CPNE4: variants seen among roughly 807,000 people sequenced by gnomAD.
CPNE4 encodes copine-4.
A neutral mutation model predicts 67.9 loss-of-function variants in CPNE4; 25 were observed. The observed-to-expected ratio is 0.37, with a 90% CI of 0.27 to 0.51. CPNE4 has a LOEUF of 0.51. Ranked by LOEUF, CPNE4 falls within the 20% of genes least tolerant of loss-of-function variation. CPNE4 has a pLI of 0.93. For missense variants in CPNE4, 464 were observed against 690.8 expected (o/e 0.67, Z 3.68); for synonymous variants, 242 against 244.9 (o/e 0.99, Z 0.11).
intron 2 of CPNE4, among the ~76,000 whole-genome samples, chr3:131,746,169 T>A (rs1277541099): frequency 6.6e-6 from 1 of 152,120 alleles, no homozygotes; most frequent in Non-Finnish European, 1.5e-5. Flanking sequence ...AGTGTACATA[T>A]TTATGGGGTA....
chr3:131,993,834 A>T (rs754251711), intron 1 of CPNE4, among the ~76,000 whole-genome samples: 1 of 136,098 alleles, frequency 7.3e-6, no homozygotes, highest in Non-Finnish European at 1.7e-5. Flanking sequence ...TACTAGTGCA[A>T]AAATACAAGA....
chr3:131,612,065 T>A (rs937719707), intron 7 of CPNE4, among the ~76,000 whole-genome samples: 1 of 152,142 alleles, frequency 6.6e-6, no homozygotes. Flanking sequence ...AAGATAACTG[T>A]CATAATTCAT....
chr3:132,036,614 T>C (rs1453460297), upstream of CPNE4, among the ~76,000 whole-genome samples: 1 of 152,184 alleles, frequency 6.6e-6, no homozygotes, highest in Admixed American at 6.5e-5. Context: ...GGATTGAACT[T>C]GCAAAGATGA....
chr3:131,937,624 C>T (rs1169747227), intron 1 of CPNE4, among the ~76,000 whole-genome samples: 1 of 151,994 alleles, frequency 6.6e-6, no homozygotes, highest in Non-Finnish European at 1.5e-5. Context: ...TATTAGGGTG[C>T]TGGGACAGAA....
chr3:131,613,051 A>T (rs565700219), intron 7 of CPNE4, among the ~76,000 whole-genome samples: 2 of 152,324 alleles, frequency 1.3e-5, no homozygotes, highest in Admixed American at 1.3e-4. Context: ...TTTGGTTTGA[A>T]TGATCTGGTC....
chr3:131,952,633 C>T (rs930859337), intron 1 of CPNE4, among the ~76,000 whole-genome samples: 1 of 143,374 alleles, frequency 7.0e-6, no homozygotes, highest in Non-Finnish European at 1.5e-5. Flanking sequence ...GGTCAGCCCC[C>T]CTCCCGGCCA....
chr3:131,976,081 G>T (rs1412427032), intron 1 of CPNE4, among the ~76,000 whole-genome samples: 9 of 136,670 alleles, frequency 6.6e-5, no homozygotes, highest in African/African-American at 1.4e-4. Flanking sequence ...AATATTGTTG[G>T]TTTTTTTTTT....
intron 2 of CPNE4, among the ~76,000 whole-genome samples, chr3:131,743,747 C>A (rs879744344): frequency 1.3e-5 from 2 of 151,726 alleles, no homozygotes; most frequent in Non-Finnish European, 2.9e-5. Flanking sequence ...CAAATAAAAT[C>A]TAAATATAAT....
chr3:131,892,889 G>T (rs1351724070), intron 2 of CPNE4, among the ~76,000 whole-genome samples: 2 of 151,636 alleles, frequency 1.3e-5, no homozygotes. Flanking sequence ...CAACAAACCA[G>T]ATGAAACAAT....
At chr3:131,629,859 G>A (rs2079174020) in intron 7 of CPNE4, among the ~76,000 whole-genome samples, 1 of 152,074 alleles carries the variant, frequency 6.6e-6, no homozygotes. Flanking sequence ...CAACATCTCT[G>A]AAGTATGCCT....
At chr3:131,629,864 A>G (rs1348551907) in intron 7 of CPNE4, among the ~76,000 whole-genome samples, 2 of 152,144 alleles carry the variant, frequency 1.3e-5, no homozygotes, top group Non-Finnish European at 1.5e-5. Context: ...TCTCTGAAGT[A>G]TGCCTGTAAT....
At chr3:131,623,426 C>T (rs949837461) in intron 7 of CPNE4, among the ~76,000 whole-genome samples, 3 of 152,156 alleles carry the variant, frequency 2.0e-5, no homozygotes, top group African/African-American at 7.2e-5. Flanking sequence ...TTCTGAGCTA[C>T]CCAGGTCTCC....
intron 2 of CPNE4, among the ~76,000 whole-genome samples, chr3:131,899,727 C>A (rs1407560239): frequency 6.6e-6 from 1 of 152,064 alleles, no homozygotes; most frequent in Non-Finnish European, 1.5e-5. Flanking sequence ...TACTTTAATT[C>A]ATCACATAAA....
At chr3:131,564,160 A>G in intron 11 of CPNE4, 56 bp downstream of exon 11, 1 of 1,604,676 alleles carries the variant, frequency 6.2e-7, no homozygotes, top group Non-Finnish European at 8.5e-7. Flanking sequence ...TCAGCCAAAG[A>G]CCGTCTGAAC....
At chr3:131,628,461 C>A (rs1444802428) in intron 7 of CPNE4, among the ~76,000 whole-genome samples, 1 of 152,276 alleles carries the variant, frequency 6.6e-6, no homozygotes, top group Admixed American at 6.5e-5. Flanking sequence ...GGAATAGTTT[C>A]AGAAGGAATG....
chr3:131,914,841 T>G (rs1274536829), intron 1 of CPNE4, among the ~76,000 whole-genome samples: 1 of 152,102 alleles, frequency 6.6e-6, no homozygotes, highest in Non-Finnish European at 1.5e-5. Context: ...CTGGGTGTGG[T>G]GGTGCATGCC....
intron 2 of CPNE4, among the ~76,000 whole-genome samples, chr3:131,869,654 A>G (rs2087111603): frequency 6.6e-6 from 1 of 152,182 alleles, no homozygotes; most frequent in Non-Finnish European, 1.5e-5. Context: ...AATGCATTAT[A>G]TGTTTTGTAT....
At chr3:131,792,696 C>CACACGTGTATAT (rs1560322840) in intron 2 of CPNE4, among the ~76,000 whole-genome samples, 1 of 44,536 alleles carries the variant, frequency 2.2e-5, no homozygotes, top group African/African-American at 8.4e-5. Context: ...TGTATATATA[C>CACACGTGTATAT]ATATACACAC....
At chr3:131,906,422 A>G (rs1414268977) in intron 1 of CPNE4, among the ~76,000 whole-genome samples, 3 of 99,660 alleles carry the variant, frequency 3.0e-5, no homozygotes, top group Non-Finnish European at 5.7e-5. Flanking sequence ...ACCCCACAAC[A>G]GTCCCCAGAG....
Sources: allele counts gnomAD v4.1 joint callset (sites outside exome capture counted in the v4.1 genomes callset), GRCh38; gene constraint gnomAD v4.1.1; transcripts MANE v1.5; gene names NCBI Gene and HGNC (gene_info 2026-07-23, HGNC 2026-07-21).